Variants in ATP2B2 observed in about 807,000 individuals in gnomAD.
ATP2B2 encodes plasma membrane calcium-transporting ATPase 2.
ATP2B2 carries 15 observed loss-of-function variants against 120.0 expected under a neutral mutation model. The observed-to-expected ratio is 0.12, with a 90% CI of 0.08 to 0.19. The LOEUF (loss-of-function observed/expected upper bound fraction) is 0.19, where lower values mean the gene tolerates loss of function less well. Among genes scored for constraint, ATP2B2 ranks in the 10% least tolerant of loss-of-function variants. ATP2B2 has a pLI of 1.00. For synonymous variants in ATP2B2, 694 were observed against 700.3 expected (o/e 0.99, Z 0.14); for missense variants, 1,045 against 1,719.8 (o/e 0.61, Z 6.94).
intron 10 of ATP2B2, 27 bp downstream of exon 10, chr3:10,378,225 C>G (rs539647355): frequency 6.2e-7 from 1 of 1,600,674 alleles, no homozygotes; most frequent in African/African-American, 1.3e-5. Flanking sequence ...TGAGCCCTGT[C>G]CCCTGCCTCC....
At chr3:10,651,763 G>A (rs1483985081) in intron 1 of ATP2B2, among the ~76,000 whole-genome samples, 3 of 152,056 alleles carry the variant, frequency 2.0e-5, no homozygotes, top group African/African-American at 7.2e-5. Flanking sequence ...ATGGATGGAT[G>A]GATGGATGGA....
rs138977787 is a variant in ATP2B2 at position 10,503,912 on chromosome 3, C to T, written c.-320+1553G>A. 5.6e-4 allele frequency among the ~76,000 whole-genome samples: 85 copies of T among 152,248 alleles called. 1 individual carries two copies. Among genetic ancestry groups the T allele is most frequent in the Non-Finnish European group, 9.4e-4 (64 of 68,024 alleles). On this transcript the variant is annotated intron_variant, in intron 1 of 22. Transcript: ENST00000360273. ...CAGGTGTGTATGTGTGTACTGCATT[C>T]GTGTGTGTGCTGTGTTTTGCACGTG...
intron 14 of ATP2B2, among the ~76,000 whole-genome samples, chr3:10,353,993 T>G (rs138401663): frequency 6.6e-6 from 1 of 152,320 alleles, no homozygotes; most frequent in Non-Finnish European, 1.5e-5. Flanking sequence ...CTCTCATAAA[T>G]GCAACAGGGC....
chr3:10,644,248 A>ATAAGT (rs1164684763), intron 1 of ATP2B2, among the ~76,000 whole-genome samples: 3 of 152,224 alleles, frequency 2.0e-5, no homozygotes, highest in Non-Finnish European at 4.4e-5. Context: ...AGTGGCTGTA[A>ATAAGT]TAAGTTAAGG....
chr3:10,617,275 G>C (rs2069414951), intron 2 of ATP2B2, among the ~76,000 whole-genome samples: 1 of 152,128 alleles, frequency 6.6e-6, no homozygotes, highest in South Asian at 2.1e-4. Context: ...CTTTCTAGTA[G>C]GTTATGCCAC....
intron 1 of ATP2B2, among the ~76,000 whole-genome samples, chr3:10,689,904 G>A (rs1386444746): frequency 2.0e-5 from 3 of 152,222 alleles, no homozygotes; most frequent in Non-Finnish European, 4.4e-5. Flanking sequence ...TGAGGGTAGG[G>A]TGAACAGAGG....
At chr3:10,473,434 C>A (rs2065087678) in intron 1 of ATP2B2, among the ~76,000 whole-genome samples, 2 of 152,142 alleles carry the variant, frequency 1.3e-5, no homozygotes, top group South Asian at 4.1e-4. Context: ...GAGTTTGAGA[C>A]CAGCCTGGCC....
intron 1 of ATP2B2, among the ~76,000 whole-genome samples, chr3:10,686,048 T>C (rs1365442757): frequency 1.6e-4 from 24 of 145,872 alleles, no homozygotes; most frequent in Admixed American, 7.5e-4. Context: ...CCTTTCTTTT[T>C]TTTTTTTTTT....
At chr3:10,336,182 G>C (rs781524123) in intron 22 of ATP2B2, 4 of 1,550,676 alleles carry the variant, frequency 2.6e-6, no homozygotes, top group Non-Finnish European at 3.5e-6. Flanking sequence ...ATTGGACAAC[G>C]ACACGCGACT....
chr3:10,592,490 A>C (rs1575533598), intron 2 of ATP2B2, among the ~76,000 whole-genome samples: 2 of 152,356 alleles, frequency 1.3e-5, no homozygotes, highest in South Asian at 4.1e-4. Context: ...AGTTCCAGGC[A>C]TGCAAAGGCC....
intron 18 of ATP2B2, 78 bp downstream of exon 18, chr3:10,345,306 A>C: frequency 6.6e-7 from 1 of 1,521,210 alleles, no homozygotes; most frequent in Non-Finnish European, 9.1e-7. Context: ...GACAACCTGG[A>C]GTACCCTAAG....
At chr3:10,615,412 G>A (rs1208120678) in intron 2 of ATP2B2, among the ~76,000 whole-genome samples, 1 of 152,188 alleles carries the variant, frequency 6.6e-6, no homozygotes, top group Non-Finnish European at 1.5e-5. Context: ...GGAGGGTCAA[G>A]GATGACTCCA....
intron 1 of ATP2B2, among the ~76,000 whole-genome samples, chr3:10,685,924 C>A (rs1032960163): frequency 6.6e-6 from 1 of 152,162 alleles, no homozygotes; most frequent in African/African-American, 2.4e-5. Context: ...TCAAATGAAT[C>A]CATTTGCAGC....
chr3:10,583,922 G>A (rs1253323277), intron 2 of ATP2B2, among the ~76,000 whole-genome samples: 1 of 152,210 alleles, frequency 6.6e-6, no homozygotes, highest in Non-Finnish European at 1.5e-5. Context: ...AGCAAACAAA[G>A]CAGCTGTGCC....
In ATP2B2 at chr3:10,537,864, G is replaced by T. The variant is rs577425554; in HGVS notation, c.-414-3731C>A. Among the ~76,000 whole-genome samples, 4 of 152,212 alleles carry T rather than the reference G, an allele frequency of 2.6e-5. No homozygotes were observed. The South Asian group carries it at 8.3e-4, about 32-fold the overall frequency. ...TTTTTCTGTGTTTTATGACGAATGGGTGTTGAATTTGCTTTTCCTACATTG... is the reference window on the plus strand; with the variant it reads ...TTTTTCTGTGTTTTATGACGAATGGTTGTTGAATTTGCTTTTCCTACATTG... On this transcript the variant is annotated intron_variant, in intron 2 of 21. Transcript: ENST00000646379.
At position 10,635,177 on chromosome 3, in the gene ATP2B2, G is replaced by T. The variant is rs139114064; in HGVS notation, c.-459-15216C>A. On this transcript the variant is annotated intron_variant, in intron 1 of 21. Coordinates refer to the ATP2B2 transcript ENST00000646379. This position sits in a 1 kb window ranked among gnomAD's most constrained non-coding sequence, Gnocchi z 4.3. ...CACTACTCAGCTCAAGGTTGCCTGA[G>T]CTTCCAATTTTCAAGAGAAGTTGGA... Among the ~76,000 whole-genome samples, 287 of 152,230 alleles carry T rather than the reference G, an allele frequency of 1.9e-3. 1 individual carries two copies. Among genetic ancestry groups the T allele is most frequent in the Non-Finnish European group, 3.3e-3 (223 of 68,008 alleles).
intron 22 of ATP2B2, among the ~76,000 whole-genome samples, chr3:10,337,041 G>T (rs572604766): frequency 2.0e-5 from 3 of 152,266 alleles, no homozygotes; most frequent in Admixed American, 2.0e-4. Context: ...GGGAGGGTGA[G>T]CCCAGGCCCG....
chr3:10,355,791 C>CTTT, intron 14 of ATP2B2, among the ~76,000 whole-genome samples: 2 of 92,610 alleles, frequency 2.2e-5, no homozygotes, highest in African/African-American at 3.7e-5. Flanking sequence ...TTGTCCTTTC[C>CTTT]GGCCGGGCGC....
chr3:10,372,156 C>T, intron 11 of ATP2B2, 105 bp from the exon 12 acceptor site: 11 of 1,492,582 alleles, frequency 7.4e-6, no homozygotes, highest in Admixed American at 7.0e-5. Flanking sequence ...GCAGAGCCAC[C>T]ACAGCCTGCC....
Sources: gnomAD v4.1 joint callset for allele counts (sites outside exome capture counted in the v4.1 genomes callset) on GRCh38, gnomAD v4.1.1 for gene constraint, Gnocchi (gnomAD v3.1) non-coding constraint, MANE v1.5 for transcripts, NCBI Gene and HGNC (gene_info 2026-07-23, HGNC 2026-07-21) for gene names.